The following LMAN2L variants were observed in gnomAD, a reference collection of about 807,000 sequenced individuals.
The protein encoded by LMAN2L is lectin, mannose binding 2 like, also known as VIP36-like protein.
LMAN2L carries 30 observed loss-of-function variants against 44.3 expected under a neutral mutation model. The observed-to-expected ratio is 0.68, with a 90% CI of 0.51 to 0.92. The LOEUF (loss-of-function observed/expected upper bound fraction) is 0.92, where lower values mean the gene tolerates loss of function less well. Ranked by LOEUF, LMAN2L falls within the 40% of genes least tolerant of loss-of-function variation. The pLI is 0.00. For missense variants in LMAN2L, 429 were observed against 446.1 expected, an observed-to-expected ratio of 0.96 and a Z score of 0.35; for synonymous variants, 183 against 171.1, an observed-to-expected ratio of 1.07 and a Z score of -0.54.
At chr2:96,720,443 T>G (rs886222409) in intron 4 of LMAN2L, among the ~76,000 whole-genome samples, 9 of 152,114 alleles carry the variant, frequency 5.9e-5, no homozygotes, top group African/African-American at 1.9e-4. Flanking sequence ...AGCTGATGAC[T>G]TGATAGTGCA....
chr2:96,707,741 A>G lies in LMAN2L; in HGVS notation c.877T>C (p.Ser293Pro). ...EKLHRDVFLPSVDNMKLPEMT... is the reference protein window; with the variant it reads ...EKLHRDVFLPPVDNMKLPEMT... The stretch of plus-strand genomic sequence containing the variant: ...TCAGGCAGCTTCATATTGTCCACTG[A>G]GGGCAAGAACACATCTCGATGGAGC... Residue 293 changes from serine (S) to proline (P), a missense_variant, in exon 7 of 8, where the codon TCA becomes CCA. Transcript: ENST00000264963. 6.2e-7 allele frequency: 1 copy of G among 1,614,136 alleles called. No individual in the cohort carries two copies. Among genetic ancestry groups the G allele is most frequent in the Non-Finnish European group, 8.5e-7 (1 of 1,180,008 alleles).
At chr2:96,729,391 T>C (rs866712800) in intron 4 of LMAN2L, among the ~76,000 whole-genome samples, 6 of 152,070 alleles carry the variant, frequency 3.9e-5, no homozygotes, top group Non-Finnish European at 7.3e-5. Flanking sequence ...GTTTACTCAC[T>C]GGTAAAATGG....
chr2:96,722,054 G>A (rs1040079733), intron 4 of LMAN2L, among the ~76,000 whole-genome samples: 10 of 151,698 alleles, frequency 6.6e-5, no homozygotes, highest in Non-Finnish European at 1.5e-4. Context: ...TGCAAGCTCC[G>A]CCTGCCAGGT....
At position 96,739,984 on chromosome 2, in the gene LMAN2L, C is replaced by T. The variant is rs745993582; in HGVS notation, c.57G>A (p.Ser19=). 4 of 1,613,716 alleles carry T rather than the reference C, an allele frequency of 2.5e-6. No homozygotes were observed. In the East Asian group the frequency reaches 8.9e-5, roughly 36 times the overall value. The change falls in exon 1 of 8, where the codon TCG becomes TCA. Residue 19 remains serine, a synonymous_variant. Coordinates refer to ENST00000264963, the MANE Select transcript of LMAN2L (RefSeq NM_030805.4). ...GTAACATCCTGGACCCATCCCGAGC[C>T]GACAAACATCGCCGCCACTGCTGCC... ...GSWQQWRRCL[S]ARDGSRMLLL...
intron 2 of LMAN2L, 142 bp from the exon 3 acceptor site, chr2:96,734,668 A>G (rs948312129): frequency 4.8e-6 from 3 of 626,424 alleles, no homozygotes; most frequent in Admixed American, 5.3e-5. Flanking sequence ...AAGACTTGCT[A>G]TGTGTTCATG....
Position 96,707,278 on chromosome 2 carries a change from T to G in LMAN2L, c.1025A>C (p.Gln342Pro). ...GIILYNKWQE[Q>P]SRKRFY ...GGCTCAGTAGAAGCGCTTTCGGCTC[T>G]GTTCCTGCCATTTGTTGTAGAGTAT... Residue 342 changes from glutamine (Q) to proline (P), a missense_variant, in exon 8 of 8, where the codon CAG becomes CCG. Gln to Pro is a moderately conservative substitution (Grantham distance 76, BLOSUM62 -1). Transcript: ENST00000264963. 8 of 1,614,170 alleles carry G rather than the reference T, an allele frequency of 5.0e-6. No individual in the cohort carries two copies. Among genetic ancestry groups the G allele is most frequent in the Non-Finnish European group, 6.8e-6 (8 of 1,180,012 alleles).
At chr2:96,737,762 G>A (rs1375266741) in intron 2 of LMAN2L, among the ~76,000 whole-genome samples, 187 bp downstream of exon 2, 2 of 152,180 alleles carry the variant, frequency 1.3e-5, no homozygotes, top group African/African-American at 4.8e-5. Flanking sequence ...TAATTAAATA[G>A]AGAGCATTTT....
intron 6 of LMAN2L, among the ~76,000 whole-genome samples, chr2:96,709,788 G>A (rs59536669): frequency 6.6e-6 from 1 of 152,194 alleles, no homozygotes; most frequent in African/African-American, 2.4e-5. Flanking sequence ...TCAAAAGAAA[G>A]AAACAACTTG....
intron 4 of LMAN2L, 78 bp downstream of exon 4, chr2:96,733,441 T>C: frequency 9.6e-7 from 1 of 1,045,424 alleles, no homozygotes; most frequent in Non-Finnish European, 1.5e-6. Flanking sequence ...TCTCCTTTGT[T>C]CCCTCCTGTA....
At position 96,706,646 on chromosome 2, in the gene LMAN2L, G is replaced by A. The variant is rs1248171061; in HGVS notation, c.*610C>T. On this transcript the variant is annotated 3_prime_UTR_variant, in exon 8 of 8. Transcript: ENST00000264963. ...ACCTAATGAAGGCCAGTGAAACGCA[G>A]GTGTGTTCTGCAGCCCCAGGCCCCA... 2 of 152,466 alleles carry A rather than the reference G, an allele frequency of 1.3e-5. No homozygotes were observed. Among genetic ancestry groups the A allele is most frequent in the African/African-American group, 4.8e-5 (2 of 41,460 alleles). The allele number at this position is 152,466 out of a possible 1,614,324, so 9.4% of individuals were successfully genotyped here.
chr2:96,722,271 G>A (rs1347401851), intron 4 of LMAN2L, among the ~76,000 whole-genome samples: 1 of 151,942 alleles, frequency 6.6e-6, no homozygotes, highest in Non-Finnish European at 1.5e-5. Flanking sequence ...CCCGGCCTGT[G>A]TACTTTATTT....
intron 4 of LMAN2L, among the ~76,000 whole-genome samples, chr2:96,722,386 C>T (rs1259928355): frequency 6.6e-6 from 1 of 151,790 alleles, no homozygotes; most frequent in Admixed American, 6.6e-5. Context: ...TAGATAGTCC[C>T]ATCTGGGGGT....
intron 4 of LMAN2L, among the ~76,000 whole-genome samples, chr2:96,727,202 T>C (rs1486887652): frequency 6.6e-6 from 1 of 152,190 alleles, no homozygotes; most frequent in Non-Finnish European, 1.5e-5. Context: ...CCTCTTCTAT[T>C]CCTAATTTGT....
In LMAN2L at chr2:96,707,818, A is replaced by T. The variant is rs2077818827; in HGVS notation, c.800T>A (p.Ile267Asn). The T allele has an allele frequency of 6.2e-7, 1 of 1,613,728 alleles. No homozygotes were observed. ...TGDLSDNHDV[I>N]SLKLFELTVE... ...TGTCAGTTCAAACAACTTCAAGGAA[A>T]TGACATCATGATTATCTGAAGAAAA... is the stretch of plus-strand genomic sequence containing the variant. Residue 267 changes from isoleucine (I) to asparagine (N), a missense_variant, in exon 7 of 8, where the codon ATT becomes AAT. By Grantham distance (149) the Ile-to-Asn change is moderately radical. Transcript: ENST00000264963.
At chr2:96,724,933 G>A (rs2078236815) in intron 4 of LMAN2L, among the ~76,000 whole-genome samples, 1 of 152,092 alleles carries the variant, frequency 6.6e-6, no homozygotes, top group Non-Finnish European at 1.5e-5. Context: ...CCGGGTTCAT[G>A]CCATTCTCCT....
chr2:96,709,688 G>A, intron 6 of LMAN2L, among the ~76,000 whole-genome samples: 1 of 152,362 alleles, frequency 6.6e-6, no homozygotes, highest in Admixed American at 6.5e-5. Context: ...GGGCATTAAA[G>A]CCTGGAACGG....
chr2:96,723,684 C>T (rs1056778774), intron 4 of LMAN2L, among the ~76,000 whole-genome samples: 10 of 151,956 alleles, frequency 6.6e-5, no homozygotes, highest in African/African-American at 1.2e-4. Context: ...TCATCCATTT[C>T]GAGTTAAATT....
intron 2 of LMAN2L, 94 bp downstream of exon 2, chr2:96,737,855 C>T: frequency 1.4e-6 from 1 of 714,662 alleles, no homozygotes; most frequent in South Asian, 1.7e-5. Context: ...GATAGAATAC[C>T]AGGGGGATAG....
intron 4 of LMAN2L, among the ~76,000 whole-genome samples, chr2:96,721,066 A>G (rs1441250612): frequency 6.6e-6 from 1 of 151,982 alleles, no homozygotes; most frequent in Non-Finnish European, 1.5e-5. Flanking sequence ...ACCACAACCA[A>G]TTTTAAAACA....
Sources: gnomAD v4.1 joint callset for allele counts (sites outside exome capture counted in the v4.1 genomes callset) on GRCh38, gnomAD v4.1.1 for gene constraint, MANE v1.5 for transcripts, NCBI Gene and HGNC (gene_info 2026-07-23, HGNC 2026-07-21) for gene names.